The following TMEM178B variants were observed in gnomAD, a reference collection of about 807,000 sequenced individuals.
TMEM178B encodes the protein transmembrane protein 178B.
A neutral mutation model predicts 31.0 loss-of-function variants in TMEM178B; 5 were observed. The observed-to-expected ratio is 0.16, with a 90% CI of 0.08 to 0.34. The LOEUF (loss-of-function observed/expected upper bound fraction) is 0.34, where lower values mean the gene tolerates loss of function less well. Among genes scored for constraint, TMEM178B ranks in the 10% least tolerant of loss-of-function variants. The pLI is 1.00. For synonymous variants in TMEM178B, 164 were observed against 164.0 expected (o/e 1.00, Z 0.00); for missense variants, 275 against 400.3 (o/e 0.69, Z 2.67).
chr7:141,119,191 G>C (rs1795370487), intron 1 of TMEM178B, among the ~76,000 whole-genome samples: 1 of 152,208 alleles, frequency 6.6e-6, no homozygotes, highest in Admixed American at 6.5e-5. Context: ...AAATGGTTCA[G>C]GTTACTCAGC....
the TMEM178B span, among the ~76,000 whole-genome samples, chr7:141,493,478 G>A: frequency 7.5e-4 from 114 of 152,192 alleles, 1 homozygote; most frequent in African/African-American, 2.7e-3. Context: ...AAAGCATCCA[G>A]CTCATGGAGA....
At position 141,074,703 on chromosome 7, in the gene TMEM178B, G is replaced by A; in HGVS notation, c.382+11G>A. 1 of 1,472,912 alleles carries A rather than the reference G, an allele frequency of 6.8e-7. No individual in the cohort carries two copies. Among genetic ancestry groups the A allele is most frequent in the Non-Finnish European group, 9.0e-7 (1 of 1,115,580 alleles). 91.2% of individuals were successfully genotyped at this position (1,472,912 alleles called of 1,614,324 possible). A position where few individuals can be genotyped will look rare whatever the true frequency, so the allele number is the denominator to read the frequency against. ...CCCTCATTCGGAAAGGTAAGCGCCG[G>A]GCGCAAGGCGTGGCGCTGCGGAGAG... On this transcript the variant is annotated intron_variant, in intron 1 of 3. Coordinates refer to ENST00000565468, the MANE Select transcript of TMEM178B (RefSeq NM_001195278.2). This position sits in a 1 kb window ranked among gnomAD's most constrained non-coding sequence, Gnocchi z 5.1.
At chr7:141,338,156 C>T (rs537191562) in intron 2 of TMEM178B, among the ~76,000 whole-genome samples, 29 of 151,972 alleles carry the variant, frequency 1.9e-4, no homozygotes, top group African/African-American at 5.1e-4. Flanking sequence ...TTTTTTAAAG[C>T]GAAGTTATTT....
chr7:141,225,787 CCT>C (rs1554465040), intron 2 of TMEM178B, among the ~76,000 whole-genome samples: 3 of 152,150 alleles, frequency 2.0e-5, no homozygotes, highest in Non-Finnish European at 2.9e-5. Flanking sequence ...GTAGCCAGCC[CCT>C]GATACAAGAT....
chr7:141,079,321 G>T (rs1435943327), intron 1 of TMEM178B, among the ~76,000 whole-genome samples: 2 of 152,100 alleles, frequency 1.3e-5, no homozygotes, highest in Non-Finnish European at 2.9e-5. Flanking sequence ...TTCCGTAGTT[G>T]TATTGGCCAC....
chr7:141,372,305 C>T (rs1032416830), intron 2 of TMEM178B, among the ~76,000 whole-genome samples: 1 of 152,182 alleles, frequency 6.6e-6, no homozygotes. Context: ...TATCCACCAT[C>T]CTCTCCTCGC....
chr7:141,206,251 C>T (rs144576277), intron 1 of TMEM178B, among the ~76,000 whole-genome samples: 2 of 152,146 alleles, frequency 1.3e-5, no homozygotes, highest in Non-Finnish European at 2.9e-5. Flanking sequence ...TGATGCTTCC[C>T]CATGTCTCCC....
intron 1 of TMEM178B, among the ~76,000 whole-genome samples, chr7:141,185,383 G>A (rs942015638): frequency 3.3e-5 from 5 of 152,182 alleles, no homozygotes; most frequent in African/African-American, 9.7e-5. Flanking sequence ...AGATGAGGGA[G>A]CCAGAAGGGA....
chr7:141,371,963 G>A (rs562317568), intron 2 of TMEM178B, among the ~76,000 whole-genome samples: 2 of 152,230 alleles, frequency 1.3e-5, no homozygotes, highest in South Asian at 4.2e-4. Flanking sequence ...ACAATTATCT[G>A]TTATTTTTCA....
intron 2 of TMEM178B, among the ~76,000 whole-genome samples, chr7:141,431,664 T>C (rs1201385389): frequency 6.6e-6 from 1 of 152,254 alleles, no homozygotes; most frequent in East Asian, 1.9e-4. Context: ...TTCTGGGCTC[T>C]TTCCAGGGGG....
At chr7:141,147,597 A>G (rs1795875663) in intron 1 of TMEM178B, among the ~76,000 whole-genome samples, 1 of 152,162 alleles carries the variant, frequency 6.6e-6, no homozygotes, top group Non-Finnish European at 1.5e-5. Flanking sequence ...AGGGGTGAGC[A>G]TATGCAATCT....
intron 3 of TMEM178B, among the ~76,000 whole-genome samples, chr7:141,441,884 C>T (rs1371563088): frequency 1.3e-5 from 2 of 152,106 alleles, no homozygotes; most frequent in East Asian, 1.9e-4. Context: ...GTTTAATGAA[C>T]GCTCAGCCCC....
the TMEM178B span, among the ~76,000 whole-genome samples, chr7:141,501,313 A>G: frequency 6.6e-6 from 1 of 151,540 alleles, no homozygotes; most frequent in African/African-American, 2.4e-5. Context: ...TAAATTTATT[A>G]GGAGAAAAAA....
intron 1 of TMEM178B, among the ~76,000 whole-genome samples, chr7:141,198,299 C>T (rs978496552): frequency 6.6e-6 from 1 of 152,204 alleles, no homozygotes; most frequent in Non-Finnish European, 1.5e-5. Flanking sequence ...GCAGACTTGA[C>T]TGGGGAGAAG....
chr7:141,081,695 T>TTAAAAAGTATATAAAGTATA (rs1794689452), intron 1 of TMEM178B, among the ~76,000 whole-genome samples: 2 of 151,648 alleles, frequency 1.3e-5, no homozygotes, highest in African/African-American at 4.8e-5. Flanking sequence ...GTTAAAAGAA[T>TTAAAAAGTATATAAAGTATA]TAAAAAGTAT....
At chr7:141,331,335 C>G (rs7776584) in intron 2 of TMEM178B, among the ~76,000 whole-genome samples, 14,303 of 152,008 alleles carry the variant, frequency 0.094, 1,453 homozygotes, top group African/African-American at 0.26. Context: ...TGATCAGGGA[C>G]GAGCAGCAAA....
chr7:141,114,271 G>T (rs1297669762), intron 1 of TMEM178B, among the ~76,000 whole-genome samples: 1 of 152,186 alleles, frequency 6.6e-6, no homozygotes, highest in Non-Finnish European at 1.5e-5. Context: ...GCCTCACACA[G>T]ATGTAACTAG....
intron 1 of TMEM178B, among the ~76,000 whole-genome samples, chr7:141,085,354 C>G (rs948122138): frequency 6.6e-6 from 1 of 151,918 alleles, no homozygotes; most frequent in Non-Finnish European, 1.5e-5. Context: ...CCAGGAGTCA[C>G]TAGGATTCAT....
chr7:141,420,564 G>T (rs1159242534), intron 2 of TMEM178B, among the ~76,000 whole-genome samples: 1 of 152,122 alleles, frequency 6.6e-6, no homozygotes, highest in East Asian at 1.9e-4. Flanking sequence ...ACAGGGGAAA[G>T]GAGAGGTCGA....
Sources: gnomAD v4.1 joint callset for allele counts (sites outside exome capture counted in the v4.1 genomes callset) on GRCh38, gnomAD v4.1.1 for gene constraint, Gnocchi (gnomAD v3.1) non-coding constraint, MANE v1.5 for transcripts, NCBI Gene and HGNC (gene_info 2026-07-23, HGNC 2026-07-21) for gene names.